SGCD: variants seen among roughly 807,000 people sequenced by gnomAD.
SGCD encodes delta-sarcoglycan.
SGCD carries 18 observed loss-of-function variants against 36.6 expected under a neutral mutation model. That is an observed-to-expected ratio of 0.49 (90% confidence interval 0.34 to 0.73). The LOEUF (loss-of-function observed/expected upper bound fraction) is 0.73, where lower values mean the gene tolerates loss of function less well. Among genes scored for constraint, SGCD ranks in the 30% least tolerant of loss-of-function variants. SGCD has a pLI of 0.01. For synonymous variants in SGCD, 133 were observed against 130.6 expected, an observed-to-expected ratio of 1.02 and a Z score of -0.12; for missense variants, 387 against 346.7, an observed-to-expected ratio of 1.12 and a Z score of -0.92.
chr5:156,191,460 T>A (rs528205381), intron 3 of SGCD, among the ~76,000 whole-genome samples: 1 of 152,128 alleles, frequency 6.6e-6, no homozygotes, highest in African/African-American at 2.4e-5. Context: ...CTAAGTTATG[T>A]TCAGAATGTT....
chr5:156,073,430 G>T (rs1760653521), intron 1 of SGCD, among the ~76,000 whole-genome samples: 2 of 152,098 alleles, frequency 1.3e-5, no homozygotes, highest in Non-Finnish European at 2.9e-5. Flanking sequence ...AGGAATGATG[G>T]TTTATGCCTG....
intron 1 of SGCD, among the ~76,000 whole-genome samples, chr5:155,954,201 C>A (rs562942954): frequency 1.3e-5 from 2 of 152,108 alleles, no homozygotes. Context: ...TTTCAAAGAG[C>A]GTTTGAAAGT....
chr5:155,920,380 T>C, intron 1 of SGCD, among the ~76,000 whole-genome samples: 1 of 152,082 alleles, frequency 6.6e-6, no homozygotes, highest in East Asian at 1.9e-4. Flanking sequence ...TGGTGAGTAT[T>C]AGTGGAGAAG....
In SGCD at chr5:156,032,260, CT is replaced by C. The variant is rs1387325151; in HGVS notation, c.-281-85617del. 2.6e-5 allele frequency among the ~76,000 whole-genome samples: 4 copies of C among 152,096 alleles called. No homozygotes were observed. In the East Asian group the frequency reaches 7.7e-4, roughly 29 times the overall value. ...TATGACTATGCTATAATTTATTTAA[CT>C]CTTCTTGTTTAGTTAGGCATCTAGA... On this transcript the variant is annotated intron_variant, in intron 1 of 9. Transcript: ENST00000517913.
chr5:156,286,267 G>A (rs185749505), intron 3 of SGCD, among the ~76,000 whole-genome samples: 126 of 152,244 alleles, frequency 8.3e-4, no homozygotes, highest in African/African-American at 2.7e-3. Context: ...TCAGTGTGGC[G>A]ATTCCTCAGG....
At chr5:156,618,734 C>A (rs190944396) in intron 6 of SGCD, among the ~76,000 whole-genome samples, 1 of 151,992 alleles carries the variant, frequency 6.6e-6, no homozygotes, top group Non-Finnish European at 1.5e-5. Context: ...GGGGTGAATT[C>A]CTGATGCAGA....
At chr5:156,250,693 T>C (rs750538896) in intron 3 of SGCD, among the ~76,000 whole-genome samples, 2 of 152,230 alleles carry the variant, frequency 1.3e-5, no homozygotes, top group Admixed American at 6.5e-5. Flanking sequence ...AGGAAGACTC[T>C]GTTAGGGTGT....
rs1760079121 is a variant in SGCD at position 156,056,873 on chromosome 5, C to T, written c.-281-61005C>T. Among the ~76,000 whole-genome samples, 2 of 145,814 alleles carry T rather than the reference C, an allele frequency of 1.4e-5. 1 individual carries two copies. Among genetic ancestry groups the T allele is most frequent in the African/African-American group, 4.9e-5 (2 of 40,462 alleles). ...TTTTTGAAAGTACTTTATGAATCCT[C>T]TTGTTGCCTTATCTGTGGCAAGCGA... On this transcript the variant is annotated intron_variant, in intron 1 of 9. Transcript: ENST00000517913.
intron 3 of SGCD, among the ~76,000 whole-genome samples, chr5:156,226,300 A>G (rs1250209276): frequency 2.6e-5 from 4 of 152,082 alleles, no homozygotes; most frequent in Non-Finnish European, 5.9e-5. Flanking sequence ...GCTCTCACTT[A>G]TGAGTGAGAA....
intron 7 of SGCD, among the ~76,000 whole-genome samples, chr5:156,650,672 G>T (rs10077414): frequency 0.057 from 8,693 of 152,122 alleles, 603 homozygotes; most frequent in African/African-American, 0.17. Flanking sequence ...GATTTTGTTA[G>T]TTTTTTATGG....
chr5:156,707,498 A>G (rs916754447), intron 7 of SGCD, among the ~76,000 whole-genome samples: 20 of 152,214 alleles, frequency 1.3e-4, no homozygotes, highest in Non-Finnish European at 2.5e-4. Context: ...CTAGACAGTA[A>G]CTAACATGAA....
intron 1 of SGCD, among the ~76,000 whole-genome samples, chr5:155,991,128 C>T (rs780564409): frequency 6.6e-6 from 1 of 152,094 alleles, no homozygotes. Flanking sequence ...GAGATTATTC[C>T]CTTGGCCTAA....
chr5:155,858,703 C>A, the SGCD span, among the ~76,000 whole-genome samples: 1 of 151,978 alleles, frequency 6.6e-6, no homozygotes, highest in Non-Finnish European at 1.5e-5. Flanking sequence ...GATAAAAATC[C>A]CAGCTTCTCA....
chr5:156,009,184 C>G (rs1758810632), intron 1 of SGCD, among the ~76,000 whole-genome samples: 1 of 152,146 alleles, frequency 6.6e-6, no homozygotes, highest in African/African-American at 2.4e-5. Flanking sequence ...CAGTGATGTC[C>G]CTTAACAACA....
intron 1 of SGCD, among the ~76,000 whole-genome samples, chr5:155,972,691 T>C (rs147597060): frequency 1.3e-4 from 19 of 151,916 alleles, no homozygotes; most frequent in African/African-American, 4.6e-4. Context: ...CCATCAGTGG[T>C]GTTTGAGAGT....
chr5:156,021,718 G>A (rs1348921850), intron 1 of SGCD, among the ~76,000 whole-genome samples: 1 of 152,034 alleles, frequency 6.6e-6, no homozygotes, highest in Non-Finnish European at 1.5e-5. Flanking sequence ...GGTGTACAGT[G>A]GGAAGAGCAG....
intron 3 of SGCD, among the ~76,000 whole-genome samples, chr5:156,366,180 G>A (rs573732149): frequency 1.3e-5 from 2 of 152,324 alleles, no homozygotes; most frequent in South Asian, 2.1e-4. Context: ...CCTCTTTGCT[G>A]TGTGAAGAGA....
At chr5:156,459,121 A>G (rs2127815179) in intron 3 of SGCD, among the ~76,000 whole-genome samples, 1 of 152,270 alleles carries the variant, frequency 6.6e-6, no homozygotes, top group East Asian at 1.9e-4. Context: ...TGAATAAAGT[A>G]CTTTTTTGCC....
At chr5:156,096,920 CT>C (rs1250892464) in intron 1 of SGCD, among the ~76,000 whole-genome samples, 4 of 152,110 alleles carry the variant, frequency 2.6e-5, no homozygotes, top group Non-Finnish European at 5.9e-5. Context: ...TTTCCTTCAT[CT>C]GAGAATATTT....
Sources: allele counts gnomAD v4.1 joint callset (sites outside exome capture counted in the v4.1 genomes callset), GRCh38; gene constraint gnomAD v4.1.1; transcripts MANE v1.5; gene names NCBI Gene and HGNC (gene_info 2026-07-23, HGNC 2026-07-21).